Variants in DPP6 observed in about 807,000 individuals in gnomAD.
The protein encoded by DPP6 is A-type potassium channel modulatory protein DPP6.
In DPP6, 69 loss-of-function variants were observed where a neutral mutation model predicts 122.6. The ratio of observed to expected loss-of-function variants is 0.56; its 90% CI spans 0.46 to 0.69. DPP6 has a LOEUF of 0.69. Among genes scored for constraint, DPP6 ranks in the 30% least tolerant of loss-of-function variants. DPP6 has a pLI of 0.00. For missense variants in DPP6, 928 were observed against 1,116.9 expected (o/e 0.83, Z 2.41); for synonymous variants, 418 against 433.1 (o/e 0.97, Z 0.43).
intron 1 of DPP6, among the ~76,000 whole-genome samples, chr7:153,945,000 T>C (rs1801881993): frequency 6.6e-6 from 1 of 152,158 alleles, no homozygotes; most frequent in African/African-American, 2.4e-5. Flanking sequence ...AGCACCGCTG[T>C]GCTTTGCCCT....
At chr7:154,042,733 G>A (rs1470315915) in intron 1 of DPP6, among the ~76,000 whole-genome samples, 9 of 152,192 alleles carry the variant, frequency 5.9e-5, no homozygotes, top group African/African-American at 1.7e-4. Flanking sequence ...AGGCAAACTA[G>A]AATTGCATTA....
At chr7:154,285,001 C>T (rs1373868196) in intron 1 of DPP6, among the ~76,000 whole-genome samples, 1 of 151,970 alleles carries the variant, frequency 6.6e-6, no homozygotes, top group Non-Finnish European at 1.5e-5. Flanking sequence ...TACCAGAGGC[C>T]AGAGGGAGGA....
Position 154,727,880 on chromosome 7 carries a change from G to C in DPP6, c.876G>C (p.Leu292=). 2 of 1,611,704 alleles carry C rather than the reference G, an allele frequency of 1.2e-6. No individual in the cohort carries two copies. Among genetic ancestry groups the C allele is most frequent in the Non-Finnish European group, 1.7e-6 (2 of 1,178,866 alleles). ...GVIYNGLSDW[L]YEEEILKTHI... is the part of the protein sequence containing the mutation. ...TTTACAATGGCCTCAGTGACTGGCT[G>C]TATGAAGGTAAGATGTGCACAGAGA... Residue 292 remains leucine, a synonymous_variant, in exon 8 of 26, where the codon CTG becomes CTC. Transcript: ENST00000377770.
rs371221644 is a variant in DPP6, at chr7:154,304,431, C to T, written c.244-141783C>T. On this transcript the variant is annotated intron_variant, in intron 1 of 25. Transcript: ENST00000377770. ...GGGCAGTGGTACCTGGGTCAGGACACGACAGCAGCCTCTGGCCTCAGGCAG... is the reference window on the plus strand; with the variant it reads ...GGGCAGTGGTACCTGGGTCAGGACATGACAGCAGCCTCTGGCCTCAGGCAG... Among the ~76,000 whole-genome samples the T allele has an allele frequency of 9.8e-5, 15 of 152,324 alleles. No individual in the cohort carries two copies. The South Asian group carries it at 3.1e-3, about 32-fold the overall frequency.
chr7:154,529,314 A>G (rs1259813797), intron 3 of DPP6, among the ~76,000 whole-genome samples: 1 of 152,208 alleles, frequency 6.6e-6, no homozygotes, highest in Non-Finnish European at 1.5e-5. Flanking sequence ...AAGGCAGGTC[A>G]GCTAAAGAGC....
intron 1 of DPP6, among the ~76,000 whole-genome samples, chr7:154,187,789 C>T (rs1215208130): frequency 1.3e-5 from 2 of 151,556 alleles, no homozygotes; most frequent in Non-Finnish European, 2.9e-5. Flanking sequence ...TAGATGAAAT[C>T]AGCATGATTC....
Position 154,397,250 on chromosome 7 carries a change from G to A in DPP6, c.244-48964G>A, listed in dbSNP as rs140114983. On this transcript the variant is annotated intron_variant, in intron 1 of 25. Coordinates refer to ENST00000377770, the MANE Select transcript of DPP6 (RefSeq NM_130797.4). ...TTTTTTCATGAGCATTAAGCAGTGC[G>A]CACCAACTGAACTCTAGTATAAAGT... is the stretch of plus-strand genomic sequence containing the variant. Among the ~76,000 whole-genome samples, 527 of 151,156 alleles carry A rather than the reference G, an allele frequency of 3.5e-3. 1 individual carries two copies. The highest frequency in any genetic ancestry group is 7.0e-3 in the Middle Eastern group (2 of 286).
intron 1 of DPP6, among the ~76,000 whole-genome samples, chr7:153,931,246 C>G (rs1019203413): frequency 6.6e-6 from 1 of 152,114 alleles, no homozygotes; most frequent in African/African-American, 2.4e-5. Flanking sequence ...ACTATAAGAT[C>G]ATGTTACCCA....
intron 1 of DPP6, among the ~76,000 whole-genome samples, chr7:153,956,589 C>T (rs1345752133): frequency 1.3e-5 from 2 of 152,126 alleles, no homozygotes; most frequent in Non-Finnish European, 2.9e-5. Flanking sequence ...CTTCAGGATC[C>T]CAAGATGCTC....
At chr7:154,373,361 C>G (rs1464459148) in intron 1 of DPP6, among the ~76,000 whole-genome samples, 1 of 152,048 alleles carries the variant, frequency 6.6e-6, no homozygotes, top group Non-Finnish European at 1.5e-5. Context: ...AATTAGATCC[C>G]CATGACTTTA....
chr7:154,352,687 T>TAA (rs1426428122), intron 1 of DPP6, among the ~76,000 whole-genome samples: 2 of 145,616 alleles, frequency 1.4e-5, no homozygotes, highest in African/African-American at 5.1e-5. Context: ...GGGTGTGGGG[T>TAA]AAGGGGAGGG....
At chr7:154,867,011 A>G (rs1010334239) in intron 17 of DPP6, among the ~76,000 whole-genome samples, 1 of 148,950 alleles carries the variant, frequency 6.7e-6, no homozygotes, top group Non-Finnish European at 1.5e-5. Context: ...AGGGAGTTAT[A>G]TGGGAGGATG....
chr7:154,574,480 T>TGTG lies in DPP6; in HGVS notation c.627+7565_627+7567dup, dbSNP rs1194334522. On this transcript the variant is annotated intron_variant, in intron 5 of 25. Coordinates refer to ENST00000377770, the MANE Select transcript of DPP6 (RefSeq NM_130797.4). ...GTGTGGTACGTGTATATGTGTGTGGTGTGTGTATGTGTATGTGGTGTGTGT... is the reference window on the plus strand; with the variant it reads ...GTGTGGTACGTGTATATGTGTGTGGTGTGGTGTGTATGTGTATGTGGTGTGTGT... 6.1e-3 allele frequency among the ~76,000 whole-genome samples: 809 copies of TGTG among 132,222 alleles called. 12 individuals are homozygous for TGTG. The highest frequency in any genetic ancestry group is 0.02 in the African/African-American group (695 of 34,772). The allele number at this position is 132,222 out of a possible 152,430, so 86.7% of individuals were successfully genotyped here.
chr7:154,343,971 C>T (rs1450014811), intron 1 of DPP6, among the ~76,000 whole-genome samples: 1 of 152,230 alleles, frequency 6.6e-6, no homozygotes, highest in Non-Finnish European at 1.5e-5. Flanking sequence ...CAGCCTCAGC[C>T]TCCGAAAGTG....
chr7:153,896,755 G>A (rs774917951), intron 1 of DPP6, among the ~76,000 whole-genome samples: 1 of 152,210 alleles, frequency 6.6e-6, no homozygotes, highest in East Asian at 1.9e-4. Flanking sequence ...TGAGGCTGCC[G>A]TGGGCCAAGA....
chr7:154,147,840 G>A (rs1469847795), intron 1 of DPP6, among the ~76,000 whole-genome samples: 1 of 151,988 alleles, frequency 6.6e-6, no homozygotes, highest in African/African-American at 2.4e-5. Flanking sequence ...CGCAGCACCT[G>A]GCCTATTAAT....
chr7:153,758,814 AAAAAAGCTTTTAT>A, the DPP6 span, among the ~76,000 whole-genome samples: 1 of 151,872 alleles, frequency 6.6e-6, no homozygotes, highest in Admixed American at 6.6e-5. Context: ...GGCTATTACC[AAAAAAGCTTTTAT>A]AAACATTTAT....
chr7:153,974,671 G>T lies in DPP6; in HGVS notation c.51+86937G>T, dbSNP rs1041620191. The stretch of plus-strand genomic sequence containing the variant: ...ACTGACTCCAACACAGGGCCCTGAG[G>T]GTCGGTTGCAAAGTGCTTGAACATT... On this transcript the variant is annotated intron_variant, in intron 1 of 25. Transcript: ENST00000404039. Among the ~76,000 whole-genome samples, 98 of 152,306 alleles carry T rather than the reference G, an allele frequency of 6.4e-4. No homozygotes were observed. In the South Asian group the frequency reaches 7.9e-3, roughly 12 times the overall value.
intron 10 of DPP6, among the ~76,000 whole-genome samples, chr7:154,778,556 C>T (rs917404361): frequency 2.3e-5 from 3 of 132,836 alleles, no homozygotes; most frequent in Non-Finnish European, 5.2e-5. Flanking sequence ...GGCTTGAGCA[C>T]CCCCCCCCAA....
Sources: allele counts gnomAD v4.1 joint callset (sites outside exome capture counted in the v4.1 genomes callset), GRCh38; gene constraint gnomAD v4.1.1; transcripts MANE v1.5; gene names NCBI Gene and HGNC (gene_info 2026-07-23, HGNC 2026-07-21).